The following ST8SIA6 variants were observed in gnomAD, a reference collection of about 807,000 sequenced individuals.
ST8SIA6 encodes ST8 alpha-N-acetyl-neuraminide alpha-2,8-sialyltransferase 6.
A neutral mutation model predicts 33.6 loss-of-function variants in ST8SIA6; 39 were observed. The observed-to-expected ratio is 1.16, with a 90% CI of 0.90 to 1.52. ST8SIA6 has a LOEUF of 1.52. ST8SIA6 is among the 40% of genes most tolerant of loss of function. The probability of loss-of-function intolerance (pLI) is 0.00; values close to 1 mark genes in which losing one functional copy is unlikely to be tolerated. For missense variants in ST8SIA6, 441 were observed against 443.8 expected, an observed-to-expected ratio of 0.99 and a Z score of 0.06; for synonymous variants, 172 against 167.2, an observed-to-expected ratio of 1.03 and a Z score of -0.22.
intron 3 of ST8SIA6, among the ~76,000 whole-genome samples, chr10:17,378,745 A>G (rs7081695): frequency 0.2 from 31,082 of 152,082 alleles, 3,304 homozygotes; most frequent in South Asian, 0.32. Flanking sequence ...AAGCATTTGC[A>G]AAAGTGTTCC....
chr10:17,366,340 G>C (rs888932264), intron 3 of ST8SIA6, among the ~76,000 whole-genome samples: 1 of 152,076 alleles, frequency 6.6e-6, no homozygotes, highest in Non-Finnish European at 1.5e-5. Context: ...TTAGAACACA[G>C]CTTCAGAGAT....
At chr10:17,336,739 G>T (rs116035717) in intron 4 of ST8SIA6, among the ~76,000 whole-genome samples, 65 of 151,234 alleles carry the variant, frequency 4.3e-4, no homozygotes, top group Non-Finnish European at 8.0e-4. Context: ...GATTACAGGT[G>T]CCCGCCACTA....
chr10:17,440,984 A>T (rs767732919), intron 2 of ST8SIA6, among the ~76,000 whole-genome samples: 2 of 152,174 alleles, frequency 1.3e-5, no homozygotes, highest in South Asian at 4.1e-4. Context: ...GCAAGAGTTC[A>T]TTACATATTC....
chr10:17,388,669 A>G (rs1850470918), intron 3 of ST8SIA6, among the ~76,000 whole-genome samples: 2 of 152,220 alleles, frequency 1.3e-5, no homozygotes, highest in South Asian at 4.1e-4. Flanking sequence ...TGAGGAAATT[A>G]TGACATGAAA....
At chr10:17,362,689 GT>G (rs1226041737) in intron 3 of ST8SIA6, among the ~76,000 whole-genome samples, 1 of 152,036 alleles carries the variant, frequency 6.6e-6, no homozygotes, top group Admixed American at 6.6e-5. Flanking sequence ...ATGCTGATTT[GT>G]TTTCATTAAC....
intron 6 of ST8SIA6, 72 bp from the exon 7 acceptor site, chr10:17,323,229 G>GCGCATGCACACACACA (rs112083592): frequency 1.4e-5 from 11 of 794,430 alleles, no homozygotes; most frequent in Admixed American, 4.2e-5. Context: ...ACATATGCGC[G>GCGCATGCACACACACA]CACACACACA....
At chr10:17,392,009 A>G (rs1396402493) in intron 2 of ST8SIA6, among the ~76,000 whole-genome samples, 3 of 152,222 alleles carry the variant, frequency 2.0e-5, no homozygotes, top group Non-Finnish European at 2.9e-5. Flanking sequence ...ATGCAACTCT[A>G]ACTTGCTGTT....
intron 3 of ST8SIA6, among the ~76,000 whole-genome samples, chr10:17,378,901 C>T (rs111594825): frequency 8.5e-5 from 13 of 152,104 alleles, no homozygotes; most frequent in African/African-American, 2.2e-4. Flanking sequence ...TCAAGGCGGG[C>T]GGATCATGAG....
At chr10:17,415,968 C>T (rs1851595799) in intron 2 of ST8SIA6, among the ~76,000 whole-genome samples, 1 of 151,878 alleles carries the variant, frequency 6.6e-6, no homozygotes, top group African/African-American at 2.4e-5. Context: ...CCACCGTGCT[C>T]AGCTAATTTT....
At chr10:17,412,383 G>A (rs1390017241) in intron 2 of ST8SIA6, among the ~76,000 whole-genome samples, 2 of 152,168 alleles carry the variant, frequency 1.3e-5, no homozygotes, top group Non-Finnish European at 2.9e-5. Context: ...AGGCACTAAA[G>A]TTGGGATTCT....
intron 4 of ST8SIA6, among the ~76,000 whole-genome samples, chr10:17,351,878 G>A (rs1458761664): frequency 6.6e-6 from 1 of 152,100 alleles, no homozygotes; most frequent in Non-Finnish European, 1.5e-5. Flanking sequence ...AGAGGAGAAT[G>A]GTGGTTACAA....
intron 2 of ST8SIA6, among the ~76,000 whole-genome samples, chr10:17,419,165 C>T (rs17141062): frequency 0.014 from 2,192 of 152,108 alleles, 22 homozygotes; most frequent in African/African-American, 0.032. Flanking sequence ...TAGTAAGTAT[C>T]GAATTACACA....
chr10:17,323,227 GCGCA>G, intron 6 of ST8SIA6, 70 bp from the exon 7 acceptor site: 2 of 806,856 alleles, frequency 2.5e-6, no homozygotes, highest in Non-Finnish European at 3.9e-6. Flanking sequence ...ACACATATGC[GCGCA>G]CACACACACA....
At chr10:17,335,230 C>T (rs549062241) in intron 4 of ST8SIA6, among the ~76,000 whole-genome samples, 2 of 152,212 alleles carry the variant, frequency 1.3e-5, no homozygotes, top group East Asian at 3.9e-4. Context: ...AATCTGTATC[C>T]AAGCCAGATC....
At chr10:17,359,465 A>C (rs1468250002) in intron 4 of ST8SIA6, 49 bp downstream of exon 4, 8 of 1,423,288 alleles carry the variant, frequency 5.6e-6, no homozygotes, top group Non-Finnish European at 7.8e-6. Flanking sequence ...CTACAAAGCA[A>C]ATGAACAAGA....
chr10:17,380,442 T>C (rs890488745), intron 3 of ST8SIA6, among the ~76,000 whole-genome samples: 1 of 152,190 alleles, frequency 6.6e-6, no homozygotes, highest in African/African-American at 2.4e-5. Flanking sequence ...TTTCTTTCTG[T>C]CTTGGTCAAA....
intron 4 of ST8SIA6, among the ~76,000 whole-genome samples, chr10:17,351,103 C>G (rs1051157090): frequency 2.0e-5 from 3 of 152,076 alleles, no homozygotes; most frequent in African/African-American, 7.2e-5. Flanking sequence ...TCCCTGCCCC[C>G]ACCCCAGCAT....
intron 3 of ST8SIA6, among the ~76,000 whole-genome samples, chr10:17,387,325 C>A (rs934779098): frequency 1.3e-5 from 2 of 151,280 alleles, no homozygotes; most frequent in South Asian, 2.1e-4. Flanking sequence ...GATCTTGGCT[C>A]ACCACAACCT....
chr10:17,451,458 T>C (rs1439915355), intron 2 of ST8SIA6, among the ~76,000 whole-genome samples: 2 of 152,190 alleles, frequency 1.3e-5, no homozygotes, highest in East Asian at 1.9e-4. Context: ...AAATTATCCA[T>C]TGGGTACAAT....
Sources: allele counts gnomAD v4.1 joint callset (sites outside exome capture counted in the v4.1 genomes callset), GRCh38; gene constraint gnomAD v4.1.1; transcripts MANE v1.5; gene names NCBI Gene and HGNC (gene_info 2026-07-23, HGNC 2026-07-21).